PGBD5: variants seen among roughly 807,000 people sequenced by gnomAD.
PGBD5 encodes piggyBac transposable element derived 5.
A neutral mutation model predicts 47.9 loss-of-function variants in PGBD5; 14 were observed. The ratio of observed to expected loss-of-function variants is 0.29; its 90% CI spans 0.19 to 0.46. The LOEUF (loss-of-function observed/expected upper bound fraction) is 0.46. PGBD5 is among the 20% of genes least tolerant of loss of function. The pLI, the probability that PGBD5 is intolerant of heterozygous loss-of-function variation, is 1.00. For synonymous variants in PGBD5, 316 were observed against 306.3 expected, an observed-to-expected ratio of 1.03 and a Z score of -0.33; for missense variants, 635 against 716.0, an observed-to-expected ratio of 0.89 and a Z score of 1.29.
At chr1:230,373,745 A>G (rs932021711) in intron 1 of PGBD5, among the ~76,000 whole-genome samples, 3 of 152,156 alleles carry the variant, frequency 2.0e-5, no homozygotes, top group Non-Finnish European at 4.4e-5. Flanking sequence ...TCAGGCTGGA[A>G]TACAGTGGCT....
chr1:230,398,822 G>A (rs905429582), intron 1 of PGBD5, among the ~76,000 whole-genome samples: 1 of 152,024 alleles, frequency 6.6e-6, no homozygotes, highest in Admixed American at 6.6e-5. Context: ...CTCCTTAAGG[G>A]CCTGCACTGT....
rs567240797 is a variant in PGBD5, at chr1:230,368,353, G to A, written c.332-11032C>T. ...CCGGCAGGGCAGGACCAAGGAGTCT[G>A]ACTGCTAAAGTGCAAACATGAAATT... is the stretch of plus-strand genomic sequence containing the variant. On this transcript the variant is annotated intron_variant, in intron 1 of 6. Transcript: ENST00000391860. Among the ~76,000 whole-genome samples, 3 of 152,378 alleles carry A rather than the reference G, an allele frequency of 2.0e-5. No homozygotes were observed. The South Asian group carries it at 6.2e-4, about 32-fold the overall frequency.
chr1:230,426,001 C>T lies in PGBD5; in HGVS notation c.-73G>A. ...GCACACGCCGGGCCCTGGGCCCGCG[C>T]CGCGGCCCGCCGCCCCCCACCAGCG... is the stretch of plus-strand genomic sequence containing the variant. On this transcript the variant is annotated 5_prime_UTR_variant, in exon 1 of 7. Transcript: ENST00000391860. The T allele has an allele frequency of 1.4e-6, 1 of 703,382 alleles. No homozygotes were observed. Among genetic ancestry groups the T allele is most frequent in the Non-Finnish European group, 1.7e-6 (1 of 575,678 alleles). 43.6% of individuals were successfully genotyped at this position (703,382 alleles called of 1,614,324 possible). A position where few individuals can be genotyped will look rare whatever the true frequency, so the allele number is the denominator to read the frequency against.
chr1:230,385,952 C>T (rs1044011947), intron 1 of PGBD5, among the ~76,000 whole-genome samples: 5 of 152,126 alleles, frequency 3.3e-5, no homozygotes, highest in African/African-American at 1.2e-4. Context: ...TTAACAAGCT[C>T]CCCAGCAACC....
intron 1 of PGBD5, among the ~76,000 whole-genome samples, chr1:230,404,670 G>A (rs1030364880): frequency 4.9e-4 from 72 of 146,734 alleles, no homozygotes; most frequent in African/African-American, 1.6e-3. Flanking sequence ...GGTGGCTTAC[G>A]CCTGTAATCC....
In PGBD5 at chr1:230,320,331, A is replaced by G. The variant is rs1466772730; in HGVS notation, c.*3094T>C. The G allele has an allele frequency of 1.3e-5, 2 of 152,256 alleles. No homozygotes were observed. Among genetic ancestry groups the G allele is most frequent in the Non-Finnish European group, 2.9e-5 (2 of 68,056 alleles). The allele number at this position is 152,256 out of a possible 1,614,324, so 9.4% of individuals were successfully genotyped here. On this transcript the variant is annotated 3_prime_UTR_variant, in exon 7 of 7. Coordinates refer to ENST00000391860, the MANE Select transcript of PGBD5 (RefSeq NM_001258311.2). ...ACAACTGCAGTAATGGGAAGGTCTC[A>G]TAAACTCCGTGAAGCTCAGTGCAGG...
chr1:230,326,057 C>T (rs566298720), intron 5 of PGBD5, among the ~76,000 whole-genome samples: 24 of 152,204 alleles, frequency 1.6e-4, no homozygotes, highest in Non-Finnish European at 1.3e-4. Context: ...GATCTCCATA[C>T]ATTATATGTA....
In PGBD5 at chr1:230,317,651, A is replaced by G. The variant is rs1306303909; in HGVS notation, c.*5774T>C. The G allele has an allele frequency of 6.6e-6, 1 of 152,052 alleles. No homozygotes were observed. Among genetic ancestry groups the G allele is most frequent in the African/African-American group, 2.4e-5 (1 of 41,378 alleles). The allele number at this position is 152,052 out of a possible 1,614,324, so 9.4% of individuals were successfully genotyped here. A position where few individuals can be genotyped will look rare whatever the true frequency, so the allele number is the denominator to read the frequency against. On this transcript the variant is annotated 3_prime_UTR_variant, in exon 7 of 7. Transcript: ENST00000391860. ...CAGCCTCACCCTTCACTCCTCACTG[A>G]ATTTCCTTGGCCATAAAGTGCCCCT...
rs1236148784 is a variant in PGBD5 at position 230,323,343 on chromosome 1, C to T, written c.*82G>A. 5 of 1,509,516 alleles carry T rather than the reference C, an allele frequency of 3.3e-6. No individual in the cohort carries two copies. The highest frequency in any genetic ancestry group is 1.4e-5 in the African/African-American group (1 of 72,508). 93.5% of individuals were successfully genotyped at this position (1,509,516 alleles called of 1,614,324 possible). On this transcript the variant is annotated 3_prime_UTR_variant, in exon 7 of 7. Coordinates refer to ENST00000391860, the MANE Select transcript of PGBD5 (RefSeq NM_001258311.2). This position sits in a 1 kb window ranked among gnomAD's most constrained non-coding sequence, Gnocchi z 4.1. ...AGCAAGCCACACACCAGGCCGTGTC[C>T]GGGTCTCTGATGGGCAAGTTGGAAC... is the stretch of plus-strand genomic sequence containing the variant.
intron 1 of PGBD5, among the ~76,000 whole-genome samples, chr1:230,359,511 C>T (rs753486018): frequency 6.6e-6 from 1 of 152,074 alleles, no homozygotes; most frequent in African/African-American, 2.4e-5. Context: ...TGAGACAGCC[C>T]AAGTTTTAGA....
intron 3 of PGBD5, among the ~76,000 whole-genome samples, chr1:230,345,184 T>A (rs1210618213): frequency 6.6e-6 from 1 of 152,198 alleles, no homozygotes; most frequent in Non-Finnish European, 1.5e-5. Context: ...AACATTAACC[T>A]GTTGGCCAAT....
chr1:230,348,539 T>C (rs1265544844), intron 3 of PGBD5, among the ~76,000 whole-genome samples: 4 of 152,200 alleles, frequency 2.6e-5, no homozygotes, highest in Non-Finnish European at 4.4e-5. Flanking sequence ...GGAACTGCAG[T>C]GTGAAAGCTC....
chr1:230,372,181 A>G (rs1336943893), intron 1 of PGBD5, among the ~76,000 whole-genome samples: 1 of 152,266 alleles, frequency 6.6e-6, no homozygotes, highest in Non-Finnish European at 1.5e-5. Flanking sequence ...GGTGTTTATG[A>G]TTGAAGAAGC....
At chr1:230,326,811 T>A (rs1667124869) in intron 5 of PGBD5, among the ~76,000 whole-genome samples, 1 of 152,132 alleles carries the variant, frequency 6.6e-6, no homozygotes, top group Non-Finnish European at 1.5e-5. Context: ...GAGGAGGTTG[T>A]CCTTTTCAAC....
In PGBD5 at chr1:230,321,540, G is replaced by A. The variant is rs1044002198; in HGVS notation, c.*1885C>T. 6.6e-6 allele frequency: 1 copy of A among 152,246 alleles called. No individual in the cohort carries two copies. Among genetic ancestry groups the A allele is most frequent in the Non-Finnish European group, 1.5e-5 (1 of 68,054 alleles). 9.4% of individuals were successfully genotyped at this position (152,246 alleles called of 1,614,324 possible). On this transcript the variant is annotated 3_prime_UTR_variant, in exon 7 of 7. Coordinates refer to ENST00000391860, the MANE Select transcript of PGBD5 (RefSeq NM_001258311.2). ...GCTGGTCTCAAACTCCTGGACTCAA[G>A]CGATCCGCCCGCTTCAGCCTCCAAA...
chr1:230,379,083 CAT>C (rs1294311393), intron 1 of PGBD5, among the ~76,000 whole-genome samples: 1 of 152,292 alleles, frequency 6.6e-6, no homozygotes, highest in South Asian at 2.1e-4. Context: ...GCCTCACTCA[CAT>C]GACTTCCGAT....
At chr1:230,355,895 C>A (rs894218107) in intron 2 of PGBD5, among the ~76,000 whole-genome samples, 1 of 152,106 alleles carries the variant, frequency 6.6e-6, no homozygotes, top group Non-Finnish European at 1.5e-5. Context: ...CCCACAGACA[C>A]GAAATAGGGC....
intron 1 of PGBD5, among the ~76,000 whole-genome samples, chr1:230,412,548 C>A (rs987532648): frequency 2.6e-5 from 4 of 152,056 alleles, no homozygotes; most frequent in African/African-American, 9.7e-5. Flanking sequence ...ACCACCACAC[C>A]TGGCTAATTT....
rs375195556 is a variant in PGBD5 at position 230,380,371 on chromosome 1, G to A, written c.332-23050C>T. Reference sequence around the variant, plus strand: ...CCAGTGTCACTGGCAGCCACAGGGCGCTCTGCCTCCCTGTGCTGGGCCCTC... The same window carrying A: ...CCAGTGTCACTGGCAGCCACAGGGCACTCTGCCTCCCTGTGCTGGGCCCTC... On this transcript the variant is annotated intron_variant, in intron 1 of 6. Coordinates refer to ENST00000391860, the MANE Select transcript of PGBD5 (RefSeq NM_001258311.2). Among the ~76,000 whole-genome samples, 240 of 152,344 alleles carry A rather than the reference G, an allele frequency of 1.6e-3. 1 individual carries two copies. The highest frequency in any genetic ancestry group is 0.011 in the South Asian group (53 of 4,834).
Sources: gnomAD v4.1 joint callset for allele counts (sites outside exome capture counted in the v4.1 genomes callset) on GRCh38, gnomAD v4.1.1 for gene constraint, Gnocchi (gnomAD v3.1) non-coding constraint, MANE v1.5 for transcripts, NCBI Gene and HGNC (gene_info 2026-07-23, HGNC 2026-07-21) for gene names.